The following TJP3 variants were observed in gnomAD, a reference collection of about 807,000 sequenced individuals.
The protein encoded by TJP3 is tight junction protein ZO-3.
In TJP3, 85 loss-of-function variants were observed where a neutral mutation model predicts 104.2. The ratio of observed to expected loss-of-function variants is 0.82; its 90% confidence interval spans 0.68 to 0.98. TJP3 has a LOEUF of 0.98. TJP3 is among the 50% of genes least tolerant of loss of function. The pLI, the probability that TJP3 is intolerant of heterozygous loss-of-function variation, is 0.00. For synonymous variants in TJP3, 550 were observed against 550.6 expected (o/e 1.00, Z 0.02); for missense variants, 1,367 against 1,322.8 (o/e 1.03, Z -0.52).
chr19:3,716,924 G>A (rs1435379122), intron 1 of TJP3, among the ~76,000 whole-genome samples: 6 of 139,354 alleles, frequency 4.3e-5, no homozygotes, highest in South Asian at 5.0e-4. Flanking sequence ...TCAGCCTCCC[G>A]AGTACCTGGG....
chr19:3,744,447 C>T (rs1194981529), intron 15 of TJP3, among the ~76,000 whole-genome samples: 1 of 152,010 alleles, frequency 6.6e-6, no homozygotes, highest in East Asian at 1.9e-4. Context: ...GGGTGGATCA[C>T]GAGGTCAAGA....
chr19:3,735,742 G>A (rs1436677097), intron 9 of TJP3, 103 bp downstream of exon 9: 3 of 1,585,182 alleles, frequency 1.9e-6, no homozygotes, highest in Non-Finnish European at 2.6e-6. Context: ...CCTAAGTGGT[G>A]AGACATGGTT....
At chr19:3,739,612 G>C (rs759534870) in intron 13 of TJP3, among the ~76,000 whole-genome samples, 3 of 152,200 alleles carry the variant, frequency 2.0e-5, no homozygotes, top group South Asian at 2.1e-4. Flanking sequence ...TGTTGTTGCT[G>C]TAACAGATGC....
intron 1 of TJP3, among the ~76,000 whole-genome samples, chr19:3,712,738 C>A (rs2036444346): frequency 6.6e-6 from 1 of 152,026 alleles, no homozygotes; most frequent in South Asian, 2.1e-4. Context: ...CGCATGAGCC[C>A]AGCAGTTCAA....
chr19:3,708,417 C>G lies in TJP3; in HGVS notation c.-154C>G, dbSNP rs1336929567. ...TGGCAGGGGACCTGCCTCCCTGTTGCCACCACAAGAGAGGAAAAGTTGGTC... is the reference window on the plus strand; with the variant it reads ...TGGCAGGGGACCTGCCTCCCTGTTGGCACCACAAGAGAGGAAAAGTTGGTC... On this transcript the variant is annotated 5_prime_UTR_variant, in exon 1 of 21. Transcript: ENST00000541714. The G allele has an allele frequency of 6.6e-6, 1 of 152,236 alleles. No homozygotes were observed. The highest frequency in any genetic ancestry group is 3.1e-3 in the Middle Eastern group (1 of 318). The allele number at this position is 152,236 out of a possible 1,614,324, so 9.4% of individuals were successfully genotyped here.
intron 8 of TJP3, among the ~76,000 whole-genome samples, chr19:3,735,023 A>G (rs1217253963): frequency 1.3e-5 from 2 of 151,792 alleles, no homozygotes; most frequent in Non-Finnish European, 2.9e-5. Flanking sequence ...AGACTGGCTA[A>G]TTTTCATATT....
rs770564419 is a variant in TJP3 at position 3,730,616 on chromosome 19, G to A, written c.523G>A (p.Ala175Thr). The A allele has an allele frequency of 9.9e-6, 16 of 1,611,826 alleles. No homozygotes were observed. The highest frequency in any genetic ancestry group is 1.4e-5 in the Non-Finnish European group (16 of 1,179,910). Reference sequence around the variant, plus strand: ...TGGTGGCTCTGAGGCCAACGGGCTGGCCCTGGTGTCCGGCTTTAAGCGGCT... The same window carrying A: ...TGGTGGCTCTGAGGCCAACGGGCTGACCCTGGTGTCCGGCTTTAAGCGGCT... ...PGGGSEANGL[A>T]LVSGFKRLPR... Residue 175 changes from alanine (A) to threonine (T), a missense_variant, in exon 5 of 21, where the codon GCC becomes ACC. Coordinates refer to ENST00000541714, the MANE Select transcript of TJP3 (RefSeq NM_001267560.2). This position sits in a 1 kb window ranked among gnomAD's most constrained non-coding sequence, Gnocchi z 7.3.
chr19:3,718,207 A>G (rs1287669172), intron 1 of TJP3, among the ~76,000 whole-genome samples: 1 of 131,944 alleles, frequency 7.6e-6, no homozygotes, highest in Non-Finnish European at 1.6e-5. Flanking sequence ...AAAAAAAAAA[A>G]AAAAAGTGTG....
In TJP3 at chr19:3,730,690, G is replaced by C; in HGVS notation, c.597G>C (p.Lys199Asn). ...AGCCTGTGAAGTCAGTGCTGGTGAA[G>C]AGGAGAGACAGCGAAGGTCAGAAGA... ...QMKPVKSVLV[K>N]RRDSEEFGVK... The change falls in exon 5 of 21, where the codon AAG becomes AAC. Residue 199 changes from lysine to asparagine, a missense_variant. By Grantham distance (94) the Lys-to-Asn change is moderately conservative. Coordinates refer to ENST00000541714, the MANE Select transcript of TJP3 (RefSeq NM_001267560.2). This position sits in a 1 kb window ranked among gnomAD's most constrained non-coding sequence, Gnocchi z 7.3. 1 of 1,608,534 alleles carries C rather than the reference G, an allele frequency of 6.2e-7. No individual in the cohort carries two copies. Among genetic ancestry groups the C allele is most frequent in the Non-Finnish European group, 8.5e-7 (1 of 1,179,950 alleles).
chr19:3,721,852 A>AC, intron 1 of TJP3: 2 of 1,188,610 alleles, frequency 1.7e-6, no homozygotes, highest in Non-Finnish European at 2.1e-6. Flanking sequence ...TGTTTCCAGG[A>AC]CCCCCTCGGG....
intron 11 of TJP3, among the ~76,000 whole-genome samples, chr19:3,737,207 T>G (rs1032982324): frequency 2.1e-5 from 3 of 142,904 alleles, no homozygotes; most frequent in African/African-American, 7.3e-5. Context: ...GTTGTTCATG[T>G]CATATGACAT....
chr19:3,725,173 G>C (rs1027145287), intron 1 of TJP3, among the ~76,000 whole-genome samples: 21 of 152,094 alleles, frequency 1.4e-4, no homozygotes, highest in African/African-American at 4.8e-4. Flanking sequence ...GAAGCAGGAG[G>C]ATCCCTTGGG....
chr19:3,719,925 G>T (rs1179235468), intron 1 of TJP3, among the ~76,000 whole-genome samples: 1 of 152,076 alleles, frequency 6.6e-6, no homozygotes, highest in African/African-American at 2.4e-5. Flanking sequence ...TATTTATTTT[G>T]TATGGAGATT....
At position 3,740,545 on chromosome 19, in the gene TJP3, TC is replaced by T; in HGVS notation, c.1632-3del. 1.4e-6 allele frequency: 2 copies of T among 1,446,398 alleles called. No homozygotes were observed. The highest frequency in any genetic ancestry group is 9.1e-7 in the Non-Finnish European group (1 of 1,099,132). The allele number at this position is 1,446,398 out of a possible 1,614,324, so 89.6% of individuals were successfully genotyped here. Reference sequence around the variant, plus strand: ...CAGTGCTCAGTACTGTCCCCTCTTCTCCCCAGGGCGGAGCAGCTGGCCAGCC... The same window carrying T: ...CAGTGCTCAGTACTGTCCCCTCTTCTCCCAGGGCGGAGCAGCTGGCCAGCC... On this transcript the variant is annotated splice_polypyrimidine_tract_variant and splice_region_variant and intron_variant, in intron 13 of 20. Transcript: ENST00000541714.
rs148288309 is a variant in TJP3 at position 3,740,694 on chromosome 19, C to G, written c.1774C>G (p.Arg592Gly). 1 of 1,606,504 alleles carries G rather than the reference C, an allele frequency of 6.2e-7. No homozygotes were observed. Among genetic ancestry groups the G allele is most frequent in the Non-Finnish European group, 8.5e-7 (1 of 1,177,234 alleles). The change falls in exon 14 of 21, where the codon CGT (arginine) becomes GGT (glycine). Residue 592 changes from arginine (R) to glycine (G), a missense_variant. Arg to Gly is a moderately radical substitution (Grantham distance 125). Coordinates refer to ENST00000541714, the MANE Select transcript of TJP3 (RefSeq NM_001267560.2). ...RGAKKTTQRS[R>G]EDLSALTRQG... ...AGCCAAGAAGACCACTCAGCGGAGC[C>G]GTGAGGACCTCTCAGCTCTGACCCG...
At position 3,738,670 on chromosome 19, in the gene TJP3, G is replaced by A; in HGVS notation, c.1393+7G>A. ...ACGCAGAGGAAGCAGGACAGTGAGT[G>A]CGCGTGGATATGGGTGTGCCTGTGT... On this transcript the variant is annotated splice_region_variant and intron_variant, in intron 12 of 20. Coordinates refer to ENST00000541714, the MANE Select transcript of TJP3 (RefSeq NM_001267560.2). 6.2e-7 allele frequency: 1 copy of A among 1,611,040 alleles called. No homozygotes were observed. Among genetic ancestry groups the A allele is most frequent in the Non-Finnish European group, 8.5e-7 (1 of 1,178,156 alleles).
At chr19:3,728,295 T>A in intron 1 of TJP3, 129 bp from the exon 2 acceptor site, 1 of 1,416,114 alleles carries the variant, frequency 7.1e-7, no homozygotes, top group South Asian at 1.3e-5. Context: ...CTGAGAGAGG[T>A]AGTAACTTGT....
chr19:3,716,622 A>G (rs961341944), intron 1 of TJP3, among the ~76,000 whole-genome samples: 1 of 145,740 alleles, frequency 6.9e-6, no homozygotes, highest in Non-Finnish European at 1.5e-5. Flanking sequence ...ACTTTAACCC[A>G]CTTATTTCTT....
rs759873629 is a variant in TJP3, at chr19:3,740,620, G to A, written c.1700G>A (p.Gly567Asp). ...GGAGTCGGGCCCGGCTCCTCCGCGGGCTCCAATGCTCGGGCCGAGTTCTGG... is the reference window on the plus strand; with the variant it reads ...GGAGTCGGGCCCGGCTCCTCCGCGGACTCCAATGCTCGGGCCGAGTTCTGG... ...AVGVGPGSSAGSNARAEFWRL... is the reference protein window; with the variant it reads ...AVGVGPGSSADSNARAEFWRL... The change falls in exon 14 of 21, where the codon GGC becomes GAC. Residue 567 changes from glycine (G) to aspartate (D), a missense_variant. By Grantham distance (94) the Gly-to-Asp change is moderately conservative. Coordinates refer to ENST00000541714, the MANE Select transcript of TJP3 (RefSeq NM_001267560.2). The A allele has an allele frequency of 1.9e-6, 3 of 1,584,344 alleles. No individual in the cohort carries two copies. Among genetic ancestry groups the A allele is most frequent in the Non-Finnish European group, 2.6e-6 (3 of 1,167,318 alleles).
Sources: allele counts gnomAD v4.1 joint callset (sites outside exome capture counted in the v4.1 genomes callset), GRCh38; gene constraint gnomAD v4.1.1; non-coding constraint Gnocchi (gnomAD v3.1); transcripts MANE v1.5; gene names NCBI Gene and HGNC (gene_info 2026-07-23, HGNC 2026-07-21).